Variants in BBS9 observed in about 807,000 individuals in gnomAD.
BBS9 encodes protein PTHB1.
A neutral mutation model predicts 117.7 loss-of-function variants in BBS9; 89 were observed. The observed-to-expected ratio is 0.76, with a 90% confidence interval of 0.64 to 0.90. The LOEUF (loss-of-function observed/expected upper bound fraction) is 0.90, where lower values mean the gene tolerates loss of function less well. BBS9 is among the 40% of genes least tolerant of loss of function. The pLI is 0.00. For synonymous variants in BBS9, 379 were observed against 370.9 expected (o/e 1.02, Z -0.25); for missense variants, 982 against 1,042.2 (o/e 0.94, Z 0.80).
intron 15 of BBS9, 73 bp from the exon 16 acceptor site, chr7:33,357,782 A>T: frequency 6.8e-7 from 1 of 1,481,016 alleles, no homozygotes. Flanking sequence ...TGCTCAAACT[A>T]TTAGTAGTAC....
chr7:33,152,911 A>G (rs1037893058), intron 3 of BBS9, 60 bp downstream of exon 3: 15 of 1,539,804 alleles, frequency 9.7e-6, no homozygotes, highest in Non-Finnish European at 1.3e-5. Context: ...TTACAGTGTC[A>G]CTTTTGTGTA....
intron 21 of BBS9, among the ~76,000 whole-genome samples, chr7:33,569,153 G>A (rs949852545): frequency 6.6e-6 from 1 of 152,106 alleles, no homozygotes; most frequent in Admixed American, 6.5e-5. Context: ...TGAAGGGGGT[G>A]GGAAAGAAAA....
chr7:33,348,033 G>C (rs181885329), intron 12 of BBS9, among the ~76,000 whole-genome samples: 2 of 152,098 alleles, frequency 1.3e-5, no homozygotes, highest in Admixed American at 1.3e-4. Flanking sequence ...CTTAGTTAAA[G>C]TTACAATCCG....
rs189688952 is a variant in BBS9 at position 33,362,900 on chromosome 7, G to A, written c.1694-4867G>A. Among the ~76,000 whole-genome samples the A allele has an allele frequency of 2.2e-3, 328 of 146,822 alleles. 3 individuals carry two copies. Among genetic ancestry groups the A allele is most frequent in the African/African-American group, 7.9e-3 (320 of 40,554 alleles). On this transcript the variant is annotated intron_variant, in intron 16 of 22. Coordinates refer to ENST00000242067, the MANE Select transcript of BBS9 (RefSeq NM_198428.3). ...TTGAACATGGTATAATTTTCTCTCT[G>A]TATTCTAGTTTTTTTAAGATGAAAA...
rs1216628462 is a variant in BBS9 at position 33,364,195 on chromosome 7, G to A, written c.1694-3572G>A. On this transcript the variant is annotated intron_variant, in intron 16 of 22. Transcript: ENST00000242067. Reference sequence around the variant, plus strand: ...GATCTCCTGACCTCGTGATCCGCCCGCCTCGGCCTCCCAAAGTGCTGGGAT... The same window carrying A: ...GATCTCCTGACCTCGTGATCCGCCCACCTCGGCCTCCCAAAGTGCTGGGAT... 2.8e-5 allele frequency among the ~76,000 whole-genome samples: 4 copies of A among 141,670 alleles called. 2 individuals are homozygous for A. Among genetic ancestry groups the A allele is most frequent in the African/African-American group, 5.3e-5 (2 of 37,388 alleles). 92.9% of individuals were successfully genotyped at this position (141,670 alleles called of 152,430 possible).
chr7:33,316,590 A>G (rs535122373), intron 9 of BBS9, among the ~76,000 whole-genome samples: 1 of 152,280 alleles, frequency 6.6e-6, no homozygotes, highest in Admixed American at 6.5e-5. Flanking sequence ...AGATATTCTA[A>G]TGTGTGTATG....
chr7:33,580,843 C>T lies in BBS9; in HGVS notation c.2522-24022C>T, dbSNP rs1017312113. Among the ~76,000 whole-genome samples, 46 of 152,156 alleles carry T rather than the reference C, an allele frequency of 3.0e-4. 1 individual carries two copies. Among genetic ancestry groups the T allele is most frequent in the Non-Finnish European group, 7.4e-5 (5 of 68,018 alleles). On this transcript the variant is annotated intron_variant, in intron 21 of 22. Coordinates refer to ENST00000242067, the MANE Select transcript of BBS9 (RefSeq NM_198428.3). ...TTCAGTTTTATATGCTTAGGGTTTC[C>T]ATGAATATCACTGAAACCCGTGATT...
chr7:33,274,837 T>C (rs919308105), intron 9 of BBS9, among the ~76,000 whole-genome samples: 45 of 151,916 alleles, frequency 3.0e-4, no homozygotes, highest in African/African-American at 9.7e-4. Context: ...TCTACTAAAA[T>C]ACAAAAAATT....
chr7:33,490,139 T>C (rs1332168336), intron 19 of BBS9, among the ~76,000 whole-genome samples: 1 of 152,050 alleles, frequency 6.6e-6, no homozygotes, highest in East Asian at 1.9e-4. Context: ...TAACAGATGC[T>C]CTCATCCTCA....
chr7:33,222,187 A>C (rs139316976), intron 5 of BBS9, among the ~76,000 whole-genome samples: 1 of 152,212 alleles, frequency 6.6e-6, no homozygotes, highest in Non-Finnish European at 1.5e-5. Flanking sequence ...AGTCTCAAGC[A>C]TGTGACTGTT....
intron 16 of BBS9, among the ~76,000 whole-genome samples, chr7:33,364,016 T>A (rs1402405557): frequency 2.9e-5 from 1 of 34,096 alleles, no homozygotes; most frequent in Non-Finnish European, 6.3e-5. Flanking sequence ...TGGCGCGATC[T>A]CGGCTCACTG....
At chr7:33,409,556 G>C (rs945117331) in intron 19 of BBS9, among the ~76,000 whole-genome samples, 1 of 152,180 alleles carries the variant, frequency 6.6e-6, no homozygotes, top group Non-Finnish European at 1.5e-5. Context: ...GGTTACTGTA[G>C]CCTTGTAGTA....
intron 21 of BBS9, among the ~76,000 whole-genome samples, chr7:33,634,700 G>A (rs1341941315): frequency 6.6e-6 from 1 of 152,200 alleles, no homozygotes; most frequent in Non-Finnish European, 1.5e-5. Flanking sequence ...ACAAAGCCCT[G>A]CTGGGGAGCC....
At chr7:33,623,197 T>G (rs1469865382) in intron 21 of BBS9, among the ~76,000 whole-genome samples, 1 of 152,022 alleles carries the variant, frequency 6.6e-6, no homozygotes, top group African/African-American at 2.4e-5. Flanking sequence ...CCTCCAGCAG[T>G]TTGATAAGAA....
chr7:33,398,589 T>TGAATACATC (rs1828400025), intron 19 of BBS9, among the ~76,000 whole-genome samples: 4 of 152,342 alleles, frequency 2.6e-5, no homozygotes, highest in Admixed American at 2.6e-4. Flanking sequence ...ATTCACTATC[T>TGAATACATC]GTGTGTGGGT....
At chr7:33,542,763 G>T (rs1852564540) in intron 21 of BBS9, among the ~76,000 whole-genome samples, 4 of 128,908 alleles carry the variant, frequency 3.1e-5, no homozygotes, top group East Asian at 2.5e-4. Flanking sequence ...ATACACGTAT[G>T]TATATGTGAG....
chr7:33,221,744 G>T (rs1462397487), intron 5 of BBS9, among the ~76,000 whole-genome samples: 1 of 152,114 alleles, frequency 6.6e-6, no homozygotes, highest in African/African-American at 2.4e-5. Flanking sequence ...AATCCTACAA[G>T]CCCTGCCAGA....
At chr7:33,174,927 G>A (rs1447059675) in intron 4 of BBS9, among the ~76,000 whole-genome samples, 1 of 152,170 alleles carries the variant, frequency 6.6e-6, no homozygotes, top group Non-Finnish European at 1.5e-5. Context: ...CTACCATTTA[G>A]AATCCAGAAA....
At chr7:33,431,028 GAAA>G (rs879655079) in intron 19 of BBS9, among the ~76,000 whole-genome samples, 1 of 128,752 alleles carries the variant, frequency 7.8e-6, no homozygotes, top group Non-Finnish European at 1.7e-5. Context: ...GTCTCTGTGA[GAAA>G]AAAAAAAAAA....
Sources: allele counts gnomAD v4.1 joint callset (sites outside exome capture counted in the v4.1 genomes callset), GRCh38; gene constraint gnomAD v4.1.1; transcripts MANE v1.5; gene names NCBI Gene and HGNC (gene_info 2026-07-23, HGNC 2026-07-21).